The following RIMS1 variants were observed in gnomAD, a reference collection of about 807,000 sequenced individuals.
RIMS1 encodes the protein regulating synaptic membrane exocytosis protein 1.
In RIMS1, 83 loss-of-function variants were observed where a neutral mutation model predicts 214.1. The observed-to-expected ratio is 0.39, with a 90% CI of 0.32 to 0.47. The LOEUF (loss-of-function observed/expected upper bound fraction) is 0.47, where lower values mean the gene tolerates loss of function less well. Ranked by LOEUF, RIMS1 falls within the 20% of genes least tolerant of loss-of-function variation. RIMS1 has a pLI of 0.99. For synonymous variants in RIMS1, 793 were observed against 786.8 expected, an observed-to-expected ratio of 1.01 and a Z score of -0.13; for missense variants, 2,050 against 2,161.8, an observed-to-expected ratio of 0.95 and a Z score of 1.03.
intron 2 of RIMS1, among the ~76,000 whole-genome samples, chr6:71,990,134 GT>G (rs1801158142): frequency 6.6e-6 from 1 of 151,988 alleles, no homozygotes; most frequent in African/African-American, 2.4e-5. Context: ...ATTTTATGTA[GT>G]TATATATTTA....
intron 4 of RIMS1, among the ~76,000 whole-genome samples, chr6:72,102,348 A>C (rs2033794654): frequency 6.6e-6 from 1 of 152,014 alleles, no homozygotes; most frequent in African/African-American, 2.4e-5. Flanking sequence ...ATTATTCTAC[A>C]ATAAATGTTA....
At chr6:72,008,704 A>G (rs1381034570) in intron 2 of RIMS1, among the ~76,000 whole-genome samples, 1 of 152,192 alleles carries the variant, frequency 6.6e-6, no homozygotes, top group Non-Finnish European at 1.5e-5. Flanking sequence ...CTGTAAACCA[A>G]CAAACATCGA....
intron 19 of RIMS1, chr6:72,261,771 T>C (rs1164271191): frequency 1.0e-6 from 1 of 985,184 alleles, no homozygotes; most frequent in Non-Finnish European, 1.2e-6. Flanking sequence ...ATAAAAATTG[T>C]TTGAACTTTT....
intron 4 of RIMS1, among the ~76,000 whole-genome samples, chr6:72,138,103 T>C (rs2041600513): frequency 1.3e-5 from 2 of 152,142 alleles, no homozygotes; most frequent in Admixed American, 6.5e-5. Context: ...TGTATATGTG[T>C]ATAGACGGTT....
chr6:72,026,842 C>G (rs1288486344), intron 2 of RIMS1, among the ~76,000 whole-genome samples: 1 of 152,010 alleles, frequency 6.6e-6, no homozygotes, highest in Non-Finnish European at 1.5e-5. Flanking sequence ...TTTTAAAGCC[C>G]TTGAGGGCAA....
chr6:72,285,489 A>G (rs2091973694), intron 24 of RIMS1, among the ~76,000 whole-genome samples: 1 of 152,248 alleles, frequency 6.6e-6, no homozygotes, highest in Non-Finnish European at 1.5e-5. Flanking sequence ...TGTGAGACAT[A>G]TCAAGGGATG....
At chr6:72,070,418 T>C (rs2152298261) in intron 2 of RIMS1, among the ~76,000 whole-genome samples, 1 of 152,276 alleles carries the variant, frequency 6.6e-6, no homozygotes, top group Non-Finnish European at 1.5e-5. Context: ...GGAAAGGCAT[T>C]ATAATAAATG....
At chr6:71,946,655 G>T (rs909797151) in intron 1 of RIMS1, among the ~76,000 whole-genome samples, 1 of 152,052 alleles carries the variant, frequency 6.6e-6, no homozygotes, top group African/African-American at 2.4e-5. Flanking sequence ...ACACTTAAAT[G>T]TAAGACCTGA....
chr6:71,945,378 C>A (rs1350949910), intron 1 of RIMS1, among the ~76,000 whole-genome samples: 3 of 152,132 alleles, frequency 2.0e-5, no homozygotes, highest in Non-Finnish European at 4.4e-5. Context: ...GGGATAAATA[C>A]CTCATCCAGC....
chr6:72,198,336 AATCATC>A (rs71755464), intron 6 of RIMS1, among the ~76,000 whole-genome samples: 1 of 150,838 alleles, frequency 6.6e-6, no homozygotes, highest in Non-Finnish European at 1.5e-5. Flanking sequence ...ATGAAATAAT[AATCATC>A]ATCATCATCT....
intron 2 of RIMS1, among the ~76,000 whole-genome samples, chr6:72,040,751 TAGGTAAA>T (rs936078277): frequency 6.6e-6 from 1 of 151,890 alleles, no homozygotes; most frequent in Non-Finnish European, 1.5e-5. Context: ...AGTAGATTGT[TAGGTAAA>T]AGACCATTTT....
chr6:72,137,994 C>T (rs2041574508), intron 4 of RIMS1, among the ~76,000 whole-genome samples: 1 of 152,062 alleles, frequency 6.6e-6, no homozygotes, highest in Non-Finnish European at 1.5e-5. Context: ...CCTTGGCCTC[C>T]CCAAGTGCTG....
intron 29 of RIMS1, among the ~76,000 whole-genome samples, chr6:72,378,179 C>T (rs1006151984): frequency 1.3e-5 from 2 of 152,096 alleles, no homozygotes; most frequent in Admixed American, 6.6e-5. Context: ...TTACATATGC[C>T]ACATCTCTCC....
In RIMS1 at chr6:72,320,434, A is replaced by G. The variant is rs184729087; in HGVS notation, c.4130+6762A>G. Among the ~76,000 whole-genome samples the G allele has an allele frequency of 1.4e-4, 21 of 152,244 alleles. No individual in the cohort carries two copies. The East Asian group carries it at 3.7e-3, about 27-fold the overall frequency. On this transcript the variant is annotated intron_variant, in intron 28 of 33. Transcript: ENST00000521978. Reference sequence around the variant, plus strand: ...CTGCTGCTTTAAAAACATATTGTAAACCAAAATATATGGCACAGTAAATTC... The same window carrying G: ...CTGCTGCTTTAAAAACATATTGTAAGCCAAAATATATGGCACAGTAAATTC...
intron 31 of RIMS1, among the ~76,000 whole-genome samples, chr6:72,397,134 T>C (rs565912948): frequency 6.6e-6 from 1 of 151,824 alleles, no homozygotes; most frequent in Non-Finnish European, 1.5e-5. Context: ...AAAACCTGAG[T>C]AGAACTATAA....
chr6:72,361,969 C>CTGGTAT lies in RIMS1; in HGVS notation c.4366+28136_4366+28137insGTATTG, dbSNP rs1554591300. ...CATGAACATCTTTGGAGGACCATTA[C>CTGGTAT]TGTATTGTATTGTATTGTATTGTAT... is the stretch of plus-strand genomic sequence containing the variant. On this transcript the variant is annotated intron_variant, in intron 29 of 33. Coordinates refer to ENST00000521978, the MANE Select transcript of RIMS1 (RefSeq NM_014989.7). Among the ~76,000 whole-genome samples the CTGGTAT allele has an allele frequency of 5.4e-5, 8 of 146,826 alleles. No homozygotes were observed. In the East Asian group the frequency reaches 1.6e-3, roughly 30 times the overall value.
chr6:72,340,899 T>G (rs1027480616), intron 29 of RIMS1, among the ~76,000 whole-genome samples: 20 of 152,248 alleles, frequency 1.3e-4, no homozygotes, highest in Admixed American at 3.3e-4. Flanking sequence ...ACGATATTGA[T>G]TCTTCCTATC....
At chr6:72,186,403 C>G (rs1260988037) in intron 6 of RIMS1, among the ~76,000 whole-genome samples, 1 of 152,216 alleles carries the variant, frequency 6.6e-6, no homozygotes, top group South Asian at 2.1e-4. Context: ...AACTCCTCTT[C>G]TTCTGAAGAA....
In RIMS1 at chr6:71,968,987, G is replaced by C. The variant is rs200005095; in HGVS notation, c.169G>C (p.Val57Leu). The C allele has an allele frequency of 1.4e-4, 223 of 1,613,946 alleles. No homozygotes were observed. The highest frequency in any genetic ancestry group is 5.8e-4 in the Admixed American group (35 of 60,026). The change falls in exon 2 of 34, where the codon GTT (valine) becomes CTT (leucine). Residue 57 changes from valine (V) to leucine (L), a missense_variant. By Grantham distance (32) the Val-to-Leu change is conservative. This residue lies in a region of RIMS1 where 882 missense variants were observed against 828.9 expected (regional missense o/e 1.06). Coordinates refer to ENST00000521978, the MANE Select transcript of RIMS1 (RefSeq NM_014989.7). ...EEKEEAMLKC[V>L]VRDMAKPAAC... Reference sequence around the variant, plus strand: ...GCTGTCTATCATGCGCCCCAGGTGTGTTGTCAGGGACATGGCGAAGCCTGC... The same window carrying C: ...GCTGTCTATCATGCGCCCCAGGTGTCTTGTCAGGGACATGGCGAAGCCTGC...
Sources: gnomAD v4.1 joint callset for allele counts (sites outside exome capture counted in the v4.1 genomes callset) on GRCh38, gnomAD v4.1.1 for gene constraint, gnomAD v4.1.1 regional missense constraint, MANE v1.5 for transcripts, NCBI Gene and HGNC (gene_info 2026-07-23, HGNC 2026-07-21) for gene names.